NBAS: variants seen among roughly 807,000 people sequenced by gnomAD.
NBAS encodes NAG/BC035112 fusion.
Under a neutral mutation model 302.5 loss-of-function variants are expected in NBAS, and 219 were observed. The observed-to-expected ratio is 0.72, with a 90% CI of 0.65 to 0.81. The LOEUF is 0.81. Ranked by LOEUF, NBAS falls within the 30% of genes least tolerant of loss-of-function variation. The pLI is 0.00. For synonymous variants in NBAS, 1,118 were observed against 1,021.6 expected, an observed-to-expected ratio of 1.09 and a Z score of -1.80; for missense variants, 2,932 against 2,841.6, an observed-to-expected ratio of 1.03 and a Z score of -0.72.
chr2:15,233,666 T>A (rs931433432), intron 46 of NBAS, among the ~76,000 whole-genome samples: 9 of 152,256 alleles, frequency 5.9e-5, no homozygotes, highest in Middle Eastern at 3.4e-3. Context: ...AATTTGAAAT[T>A]TGTTCTTTTT....
the NBAS span, among the ~76,000 whole-genome samples, chr2:14,908,080 G>A: frequency 6.6e-6 from 1 of 152,130 alleles, no homozygotes; most frequent in East Asian, 1.9e-4. Flanking sequence ...TAAAGTACAG[G>A]GGGCCAGGCG....
chr2:15,103,148 CTGTTCCAATACAACCATGTTT>C, the NBAS span, among the ~76,000 whole-genome samples: 2 of 152,126 alleles, frequency 1.3e-5, no homozygotes, highest in Non-Finnish European at 2.9e-5. Flanking sequence ...TCATGTGTGA[CTGTTCCAATACAACCATGTTT>C]TTAAGTCTCC....
the NBAS span, among the ~76,000 whole-genome samples, chr2:14,958,968 AG>A: frequency 1.3e-5 from 2 of 152,210 alleles, no homozygotes; most frequent in African/African-American, 4.8e-5. Flanking sequence ...GGAAGGGTGG[AG>A]TAACACTGAA....
In NBAS at chr2:15,309,193, G is replaced by C. The variant is rs764457922; in HGVS notation, c.4637C>G (p.Ala1546Gly). The C allele has an allele frequency of 6.2e-7, 1 of 1,612,974 alleles. No homozygotes were observed. The highest frequency in any genetic ancestry group is 1.1e-5 in the South Asian group (1 of 91,018). Residue 1546 changes from alanine (A) to glycine (G), a missense_variant, in exon 39 of 52, where the codon GCT (alanine) becomes GGT (glycine). Physicochemically the swap from Ala to Gly is moderately conservative, Grantham distance 60. Coordinates refer to ENST00000281513, the MANE Select transcript of NBAS (RefSeq NM_015909.4). ...ALPNDMTLAL[A>G]YLLALPQVLD... ...TACTTGTGGTAAGGCAAGAAGGTAA[G>C]CAAGAGCCAAGGTCATGTCATTTGG...
chr2:15,110,196 C>A, the NBAS span, among the ~76,000 whole-genome samples: 1 of 151,978 alleles, frequency 6.6e-6, no homozygotes, highest in Non-Finnish European at 1.5e-5. Context: ...CATGCAGGCA[C>A]CAGGTCCACT....
chr2:14,810,547 T>G, the NBAS span, among the ~76,000 whole-genome samples: 1 of 152,232 alleles, frequency 6.6e-6, no homozygotes, highest in East Asian at 1.9e-4. Flanking sequence ...AATCTTTTTC[T>G]TTGTAAATTG....
At chr2:15,487,344 C>T (rs1478701725) in intron 12 of NBAS, among the ~76,000 whole-genome samples, 2 of 152,150 alleles carry the variant, frequency 1.3e-5, no homozygotes, top group Admixed American at 6.5e-5. Flanking sequence ...TATTGTGCAT[C>T]AAGAAGTAGA....
chr2:14,893,119 T>C, the NBAS span, among the ~76,000 whole-genome samples: 1 of 152,220 alleles, frequency 6.6e-6, no homozygotes, highest in Non-Finnish European at 1.5e-5. Flanking sequence ...CTACTTGTTC[T>C]TGAGTCAGTT....
At chr2:15,466,616 G>A (rs142653860) in intron 19 of NBAS, among the ~76,000 whole-genome samples, 164 of 152,232 alleles carry the variant, frequency 1.1e-3, no homozygotes, top group African/African-American at 3.9e-3. Flanking sequence ...GATCAAAGGT[G>A]AATCAACTAA....
the NBAS span, among the ~76,000 whole-genome samples, chr2:14,866,220 C>A: frequency 6.6e-6 from 1 of 152,154 alleles, no homozygotes. Context: ...GTCAGCTTAA[C>A]AGTGCAGGCT....
chr2:14,924,015 C>T, the NBAS span, among the ~76,000 whole-genome samples: 13,238 of 152,180 alleles, frequency 0.087, 649 homozygotes, highest in African/African-American at 0.11. Flanking sequence ...ACCTTTTCCT[C>T]GCATATGCAA....
chr2:15,496,315 C>T (rs991766391), intron 11 of NBAS, among the ~76,000 whole-genome samples: 5 of 151,946 alleles, frequency 3.3e-5, no homozygotes, highest in African/African-American at 9.7e-5. Context: ...GGGTTGCTTA[C>T]GAGCTGGGGA....
the NBAS span, among the ~76,000 whole-genome samples, chr2:14,779,319 G>C: frequency 6.6e-6 from 1 of 152,142 alleles, no homozygotes; most frequent in Non-Finnish European, 1.5e-5. Flanking sequence ...TGCAGCGCTT[G>C]GCCCCTTCAG....
chr2:15,171,401 T>C (rs1362689495), intron 51 of NBAS, among the ~76,000 whole-genome samples: 1 of 152,250 alleles, frequency 6.6e-6, no homozygotes, highest in African/African-American at 2.4e-5. Flanking sequence ...GATATTTGTA[T>C]TCTATTTTTC....
the NBAS span, among the ~76,000 whole-genome samples, chr2:14,951,281 A>G: frequency 4.1e-4 from 63 of 152,308 alleles, no homozygotes; most frequent in Middle Eastern, 3.4e-3. Flanking sequence ...GGAACAAATC[A>G]TACCACATGC....
intron 31 of NBAS, among the ~76,000 whole-genome samples, chr2:15,369,352 G>T (rs953151611): frequency 2.6e-5 from 4 of 152,104 alleles, no homozygotes; most frequent in African/African-American, 9.7e-5. Context: ...AATGGATCAT[G>T]ATTTTCTCTA....
At chr2:14,966,262 C>T in the NBAS span, among the ~76,000 whole-genome samples, 2 of 152,112 alleles carry the variant, frequency 1.3e-5, no homozygotes, top group African/African-American at 2.4e-5. Flanking sequence ...AACGGCAGCC[C>T]GAGGAAACTA....
chr2:15,439,516 T>C (rs947097877), intron 21 of NBAS, among the ~76,000 whole-genome samples: 4 of 151,804 alleles, frequency 2.6e-5, no homozygotes, highest in African/African-American at 9.7e-5. Flanking sequence ...GGAGCCAAGA[T>C]GGCTGAACAG....
At chr2:15,388,252 TTTAATGTTTTGATA>T (rs1675409169) in intron 28 of NBAS, among the ~76,000 whole-genome samples, 1 of 152,212 alleles carries the variant, frequency 6.6e-6, no homozygotes, top group Non-Finnish European at 1.5e-5. Flanking sequence ...TTCTTAGGTA[TTTAATGTTTTGATA>T]CTATTATAAA....
Sources: allele counts gnomAD v4.1 joint callset (sites outside exome capture counted in the v4.1 genomes callset), GRCh38; gene constraint gnomAD v4.1.1; transcripts MANE v1.5; gene names NCBI Gene and HGNC (gene_info 2026-07-23, HGNC 2026-07-21).